CD2AP: variants seen among roughly 807,000 people sequenced by gnomAD.
CD2AP encodes CD2 associated protein.
In CD2AP, 46 loss-of-function variants were observed where a neutral mutation model predicts 85.1. That is an observed-to-expected ratio of 0.54 (90% CI 0.43 to 0.69). The LOEUF (loss-of-function observed/expected upper bound fraction) is 0.69. Ranked by LOEUF, CD2AP falls within the 30% of genes least tolerant of loss-of-function variation. CD2AP has a pLI of 0.00. For synonymous variants in CD2AP, 255 were observed against 252.9 expected, an observed-to-expected ratio of 1.01 and a Z score of -0.08; for missense variants, 769 against 729.5, an observed-to-expected ratio of 1.05 and a Z score of -0.62.
intron 8 of CD2AP, 38 bp from the exon 9 acceptor site, chr6:47,579,347 A>AAAAGGTCT: frequency 2.4e-6 from 3 of 1,248,178 alleles, no homozygotes; most frequent in Admixed American, 3.4e-5. Flanking sequence ...AAAAAAAAAA[A>AAAAGGTCT]AGGTCTATTG....
chr6:47,518,543 A>G (rs535692013), intron 2 of CD2AP, among the ~76,000 whole-genome samples: 37 of 152,230 alleles, frequency 2.4e-4, no homozygotes, highest in African/African-American at 7.9e-4. Flanking sequence ...TCCTCTTTTT[A>G]CCTGTTGGTG....
rs200644975 is a variant in CD2AP at position 47,610,967 on chromosome 6, ATG to A, written c.1815-1504_1815-1503del. ...TTCTGATTTATATATATATATATAT[ATG>A]TATTTTTTTTTTTTTTTGAATATAA... On this transcript the variant is annotated intron_variant, in intron 16 of 17. Transcript: ENST00000359314. Among the ~76,000 whole-genome samples, 505 of 77,278 alleles carry A rather than the reference ATG, an allele frequency of 6.5e-3. 11 individuals carry two copies. The highest frequency in any genetic ancestry group is 0.019 in the South Asian group (42 of 2,258). The allele number at this position is 77,278 out of a possible 152,430, so 50.7% of individuals were successfully genotyped here.
intron 2 of CD2AP, among the ~76,000 whole-genome samples, chr6:47,514,572 C>T (rs1027253055): frequency 6.6e-6 from 1 of 152,092 alleles, no homozygotes; most frequent in African/African-American, 2.4e-5. Context: ...TAAACAAATG[C>T]TTAGTTGACT....
At chr6:47,568,743 C>CAAATAAATAAATAAAT (rs57832054) in intron 5 of CD2AP, among the ~76,000 whole-genome samples, 2 of 150,446 alleles carry the variant, frequency 1.3e-5, no homozygotes, top group South Asian at 2.1e-4. Context: ...GACTCCGTCT[C>CAAATAAATAAATAAAT]AAATAAATAA....
intron 17 of CD2AP, among the ~76,000 whole-genome samples, chr6:47,616,571 C>T (rs747963787): frequency 1.3e-5 from 2 of 152,144 alleles, no homozygotes; most frequent in Admixed American, 1.3e-4. Context: ...CAACATTATC[C>T]TCTATTGGCA....
At chr6:47,538,613 TA>T (rs1441289475) in intron 3 of CD2AP, among the ~76,000 whole-genome samples, 2 of 152,198 alleles carry the variant, frequency 1.3e-5, no homozygotes, top group Non-Finnish European at 2.9e-5. Context: ...AACCTGAAGA[TA>T]TTTTTTTCCA....
intron 14 of CD2AP, among the ~76,000 whole-genome samples, chr6:47,606,829 G>T (rs1319718561): frequency 1.3e-5 from 2 of 151,950 alleles, no homozygotes; most frequent in African/African-American, 4.8e-5. Context: ...CATCTAAATT[G>T]TACTCTTAGT....
At chr6:47,492,952 A>C (rs1280203010) in intron 1 of CD2AP, among the ~76,000 whole-genome samples, 1 of 152,106 alleles carries the variant, frequency 6.6e-6, no homozygotes, top group Non-Finnish European at 1.5e-5. Flanking sequence ...ACTAATGTTA[A>C]ATTCAGCTTT....
At chr6:47,555,634 A>T (rs977397442) in intron 5 of CD2AP, among the ~76,000 whole-genome samples, 1 of 152,192 alleles carries the variant, frequency 6.6e-6, no homozygotes, top group African/African-American at 2.4e-5. Context: ...GATTGCTCAG[A>T]CTGCTTATGT....
At chr6:47,491,502 A>G (rs190262186) in intron 1 of CD2AP, among the ~76,000 whole-genome samples, 4 of 152,238 alleles carry the variant, frequency 2.6e-5, no homozygotes, top group Middle Eastern at 3.4e-3. Context: ...GTGATATAAT[A>G]TAGAGAAGGT....
chr6:47,534,819 A>G (rs1766982951), intron 3 of CD2AP, among the ~76,000 whole-genome samples: 1 of 141,822 alleles, frequency 7.1e-6, no homozygotes, highest in South Asian at 2.2e-4. Flanking sequence ...TTTTTTTTTG[A>G]GATAGACTCT....
chr6:47,588,724 C>T (rs1048295233), intron 11 of CD2AP, among the ~76,000 whole-genome samples: 1 of 152,082 alleles, frequency 6.6e-6, no homozygotes, highest in Non-Finnish European at 1.5e-5. Context: ...CTGCCATCCT[C>T]AGTGTACACT....
intron 1 of CD2AP, among the ~76,000 whole-genome samples, chr6:47,488,133 A>G (rs58692350): frequency 0.25 from 37,626 of 151,084 alleles, 5,394 homozygotes; most frequent in East Asian, 0.6. Context: ...GATGTTAAGC[A>G]TCTTGTCAGG....
At position 47,512,640 on chromosome 6, in the gene CD2AP, A is replaced by C. The variant is rs115864727; in HGVS notation, c.165+9200A>C. On this transcript the variant is annotated intron_variant, in intron 2 of 17. Coordinates refer to ENST00000359314, the MANE Select transcript of CD2AP (RefSeq NM_012120.3). ...CAGTTTTAAAAGTATTTTACAAAGG[A>C]TATTGAACACAAGGATCTATGAACT... 9.2e-3 allele frequency among the ~76,000 whole-genome samples: 1,402 copies of C among 152,356 alleles called. 24 individuals carry two copies. The highest frequency in any genetic ancestry group is 0.032 in the African/African-American group (1,342 of 41,572).
At chr6:47,512,018 C>T (rs1045562173) in intron 2 of CD2AP, among the ~76,000 whole-genome samples, 4 of 152,004 alleles carry the variant, frequency 2.6e-5, no homozygotes, top group Admixed American at 1.3e-4. Flanking sequence ...ATTAGCTGGG[C>T]GTAGTGGCGG....
At chr6:47,550,735 G>A (rs4495268) in intron 4 of CD2AP, among the ~76,000 whole-genome samples, 48,250 of 148,360 alleles carry the variant, frequency 0.33, 8,719 homozygotes, top group Middle Eastern at 0.52. Flanking sequence ...GCACACACAT[G>A]TTTATAGCAG....
At chr6:47,575,424 G>A (rs1768280351) in intron 6 of CD2AP, among the ~76,000 whole-genome samples, 1 of 152,150 alleles carries the variant, frequency 6.6e-6, no homozygotes, top group South Asian at 2.1e-4. Flanking sequence ...CTACTCAAGA[G>A]TTGTTATTAG....
intron 5 of CD2AP, among the ~76,000 whole-genome samples, chr6:47,558,944 A>C (rs545429236): frequency 1.3e-5 from 2 of 152,252 alleles, no homozygotes; most frequent in East Asian, 1.9e-4. Flanking sequence ...CTATGAATCC[A>C]TCTAGAGCTG....
intron 2 of CD2AP, among the ~76,000 whole-genome samples, chr6:47,509,058 C>G (rs571472054): frequency 6.6e-6 from 1 of 152,120 alleles, no homozygotes; most frequent in Admixed American, 6.5e-5. Context: ...ATGTGTGATT[C>G]TTCCTTTCAC....
Sources: gnomAD v4.1 joint callset for allele counts (sites outside exome capture counted in the v4.1 genomes callset) on GRCh38, gnomAD v4.1.1 for gene constraint, MANE v1.5 for transcripts, NCBI Gene and HGNC (gene_info 2026-07-23, HGNC 2026-07-21) for gene names.